CELF2: variants seen among roughly 807,000 people sequenced by gnomAD.
The protein encoded by CELF2 is CUGBP Elav-like family member 2, also known as CUG triplet repeat RNA-binding protein 2.
Under a neutral mutation model 62.6 loss-of-function variants are expected in CELF2, and 8 were observed. The observed-to-expected ratio is 0.13, with a 90% CI of 0.07 to 0.23. CELF2 has a LOEUF of 0.23. Among genes scored for constraint, CELF2 ranks in the 10% least tolerant of loss-of-function variants. The pLI, the probability that CELF2 is intolerant of heterozygous loss-of-function variation, is 1.00. For synonymous variants in CELF2, 258 were observed against 250.0 expected, an observed-to-expected ratio of 1.03 and a Z score of -0.30; for missense variants, 333 against 671.0, an observed-to-expected ratio of 0.50 and a Z score of 5.56.
chr10:10,477,257 G>C, the CELF2 span, among the ~76,000 whole-genome samples: 3 of 152,180 alleles, frequency 2.0e-5, no homozygotes, highest in Non-Finnish European at 4.4e-5. Context: ...ATAAGATGGG[G>C]TTGGGGAGAG....
intron 1 of CELF2, among the ~76,000 whole-genome samples, chr10:11,158,213 G>A (rs1365633678): frequency 1.3e-5 from 2 of 152,164 alleles, no homozygotes; most frequent in African/African-American, 4.8e-5. Context: ...CCAGCCATTG[G>A]CAGGTAAGTC....
chr10:11,163,138 C>T lies in CELF2; in HGVS notation c.75-2348C>T, dbSNP rs2066108447. Among the ~76,000 whole-genome samples the T allele has an allele frequency of 2.0e-5, 3 of 152,206 alleles. No homozygotes were observed. The South Asian group carries it at 6.2e-4, about 31-fold the overall frequency. On this transcript the variant is annotated intron_variant, in intron 1 of 12. Transcript: ENST00000633077. ...TATTTTTCGAAAAAGAGTAAATGGC[C>T]TCTTATTTGCAGAAGCATTGAAGAC...
At chr10:10,491,806 C>A in the CELF2 span, among the ~76,000 whole-genome samples, 4 of 152,308 alleles carry the variant, frequency 2.6e-5, no homozygotes, top group South Asian at 8.3e-4. Context: ...TCTTTCTTGT[C>A]CTGACTTTCT....
At chr10:10,639,209 T>C in the CELF2 span, among the ~76,000 whole-genome samples, 1 of 152,248 alleles carries the variant, frequency 6.6e-6, no homozygotes, top group African/African-American at 2.4e-5. Flanking sequence ...TTCTAAGTAA[T>C]TAAATACCCT....
intron 1 of CELF2, chr10:10,919,887 T>C: frequency 1.0e-6 from 1 of 959,452 alleles, no homozygotes; most frequent in Non-Finnish European, 1.4e-6. Flanking sequence ...ATAATACTTA[T>C]TATGTGATTA....
At chr10:10,739,459 A>G in the CELF2 span, among the ~76,000 whole-genome samples, 16 of 152,178 alleles carry the variant, frequency 1.1e-4, no homozygotes, top group African/African-American at 3.9e-4. Flanking sequence ...TTTTGAAATA[A>G]TTTTAGACTT....
chr10:10,925,227 G>C (rs759306323), intron 2 of CELF2: 3 of 152,048 alleles, frequency 2.0e-5, no homozygotes, highest in Non-Finnish European at 4.4e-5. Flanking sequence ...GGTACTTCCA[G>C]GCCAACCTCT....
chr10:10,850,470 AT>A, intron 1 of CELF2, among the ~76,000 whole-genome samples: 1 of 152,338 alleles, frequency 6.6e-6, no homozygotes. Context: ...AGCTACGCTG[AT>A]TGGAAACCTA....
intron 2 of CELF2, among the ~76,000 whole-genome samples, chr10:11,203,182 A>G (rs1029806947): frequency 4.6e-5 from 7 of 152,196 alleles, no homozygotes; most frequent in African/African-American, 1.4e-4. Context: ...CAGCATGGGA[A>G]CAATTGATGG....
intron 1 of CELF2, among the ~76,000 whole-genome samples, chr10:11,080,607 C>T (rs989338421): frequency 6.6e-6 from 1 of 152,250 alleles, no homozygotes; most frequent in Non-Finnish European, 1.5e-5. Flanking sequence ...TTACCTTCCT[C>T]TCTATCAGAC....
chr10:11,025,462 C>G (rs538377651), intron 1 of CELF2, among the ~76,000 whole-genome samples: 4 of 152,080 alleles, frequency 2.6e-5, no homozygotes, highest in South Asian at 4.2e-4. Flanking sequence ...GGCCCTTCCC[C>G]CTTCGTTCAA....
intron 1 of CELF2, among the ~76,000 whole-genome samples, chr10:11,105,969 A>C (rs957204935): frequency 1.3e-5 from 2 of 152,254 alleles, no homozygotes; most frequent in African/African-American, 4.8e-5. Context: ...ATGAGAACAA[A>C]AAATCAAAGC....
rs1198153816 is a variant in CELF2, at chr10:11,269,432, T to C, written c.619-1234T>C. 6.6e-6 allele frequency among the ~76,000 whole-genome samples: 1 copy of C among 152,168 alleles called. No homozygotes were observed. Among genetic ancestry groups the C allele is most frequent in the African/African-American group, 2.4e-5 (1 of 41,442 alleles). On this transcript the variant is annotated intron_variant, in intron 6 of 12. Transcript: ENST00000633077. This position sits in a 1 kb window ranked among gnomAD's most constrained non-coding sequence, Gnocchi z 4.4. ...GGTGATAAGGAAAAAAATGCGTTTG[T>C]TTTCCAGAAAAGAGAAACATGACCC...
the CELF2 span, among the ~76,000 whole-genome samples, chr10:10,497,598 C>T: frequency 6.6e-6 from 1 of 152,024 alleles, no homozygotes; most frequent in Non-Finnish European, 1.5e-5. Context: ...TTTTTAGTGT[C>T]TAGATGGGTG....
the CELF2 span, among the ~76,000 whole-genome samples, chr10:10,762,107 G>T: frequency 1.3e-5 from 2 of 152,090 alleles, no homozygotes; most frequent in African/African-American, 4.8e-5. Context: ...TCTAAAATTG[G>T]GAGAGAGACA....
At chr10:10,561,232 A>T in the CELF2 span, among the ~76,000 whole-genome samples, 2 of 152,134 alleles carry the variant, frequency 1.3e-5, no homozygotes, top group Admixed American at 6.6e-5. Context: ...TTCTCCGTCT[A>T]CCAGACCCAT....
At chr10:11,123,017 G>A (rs1484143364) in intron 1 of CELF2, among the ~76,000 whole-genome samples, 2 of 152,072 alleles carry the variant, frequency 1.3e-5, no homozygotes, top group Admixed American at 1.3e-4. Context: ...ATAAGTTCCC[G>A]AAAGTAGCAA....
chr10:11,082,318 T>A (rs1391614576), intron 1 of CELF2, among the ~76,000 whole-genome samples: 2 of 152,226 alleles, frequency 1.3e-5, no homozygotes, highest in Non-Finnish European at 2.9e-5. Flanking sequence ...TTTGTTTCGT[T>A]GCAGTGATAA....
At chr10:11,016,252 A>C (rs931292032), upstream of CELF2, among the ~76,000 whole-genome samples, 6 of 152,342 alleles carry the variant, frequency 3.9e-5, no homozygotes, top group African/African-American at 1.2e-4. This position sits in a 1 kb window ranked among gnomAD's most constrained non-coding sequence, Gnocchi z 5.2. Flanking sequence ...TCTGGGGACA[A>C]GTTTGGCCCT....
Sources: allele counts gnomAD v4.1 joint callset (sites outside exome capture counted in the v4.1 genomes callset), GRCh38; gene constraint gnomAD v4.1.1; non-coding constraint Gnocchi (gnomAD v3.1); transcripts MANE v1.5; gene names NCBI Gene and HGNC (gene_info 2026-07-23, HGNC 2026-07-21).